The following CFAP91 variants were observed in gnomAD, a reference collection of about 807,000 sequenced individuals.
CFAP91 encodes the protein cilia and flagella associated protein 91, also known as cilia- and flagella-associated protein 91.
CFAP91 carries 85 observed loss-of-function variants against 95.9 expected under a neutral mutation model. The observed-to-expected ratio is 0.89, with a 90% CI of 0.74 to 1.06. CFAP91 has a LOEUF of 1.06. Among genes scored for constraint, CFAP91 ranks in the 50% least tolerant of loss-of-function variants. The pLI is 0.00. For missense variants in CFAP91, 962 were observed against 943.4 expected (o/e 1.02, Z -0.26); for synonymous variants, 335 against 327.5 (o/e 1.02, Z -0.25).
At chr3:119,717,553 T>TG (rs2053600748) in intron 6 of CFAP91, among the ~76,000 whole-genome samples, 1 of 145,158 alleles carries the variant, frequency 6.9e-6, no homozygotes, top group African/African-American at 2.5e-5. Context: ...TACGTTGGTT[T>TG]TTTTTTTTTT....
At chr3:119,714,155 G>A (rs181109711) in intron 5 of CFAP91, among the ~76,000 whole-genome samples, 2 of 152,128 alleles carry the variant, frequency 1.3e-5, no homozygotes, top group Non-Finnish European at 2.9e-5. Context: ...GAGGTCAGGA[G>A]ATCGGGACCA....
In CFAP91 at chr3:119,716,688, G is replaced by A. The variant is rs573684493; in HGVS notation, c.682+945G>A. The stretch of plus-strand genomic sequence containing the variant: ...TGCAACCTCCGCCTCCTGGGTTCAA[G>A]TGATTCTCCTGCCTCAGTCTCCCGA... On this transcript the variant is annotated intron_variant, in intron 6 of 17. Coordinates refer to ENST00000273390, the MANE Select transcript of CFAP91 (RefSeq NM_033364.4). 1.1e-4 allele frequency among the ~76,000 whole-genome samples: 16 copies of A among 152,326 alleles called. No homozygotes were observed. The South Asian group carries it at 3.3e-3, about 32-fold the overall frequency.
In CFAP91 at chr3:119,765,835, G is replaced by T. The variant is rs2054617560; in HGVS notation, c.*785G>T. The T allele has an allele frequency of 6.6e-6, 1 of 152,162 alleles. No homozygotes were observed. The highest frequency in any genetic ancestry group is 2.1e-4 in the South Asian group (1 of 4,828). 9.4% of individuals were successfully genotyped at this position (152,162 alleles called of 1,614,324 possible). ...GGAGTCCAAGTAATGAATTTATAGA[G>T]GAAAATGTATGCTACTCTGAAAACA... On this transcript the variant is annotated 3_prime_UTR_variant, in exon 18 of 18. Transcript: ENST00000273390.
At chr3:119,735,663 A>G (rs1333403969) in intron 10 of CFAP91, among the ~76,000 whole-genome samples, 1 of 152,186 alleles carries the variant, frequency 6.6e-6, no homozygotes, top group Non-Finnish European at 1.5e-5. Context: ...TTATACATGT[A>G]AAATAATAAA....
rs759455557 is a variant in CFAP91, at chr3:119,747,855, A to T, written c.2096A>T (p.Tyr699Phe). The T allele has an allele frequency of 6.2e-7, 1 of 1,613,718 alleles. No individual in the cohort carries two copies. The highest frequency in any genetic ancestry group is 2.2e-5 in the East Asian group (1 of 44,864). Residue 699 changes from tyrosine (Y) to phenylalanine (F), a missense_variant, in exon 16 of 18, where the codon TAT becomes TTT. By Grantham distance (22) the Tyr-to-Phe change is conservative. Coordinates refer to ENST00000273390, the MANE Select transcript of CFAP91 (RefSeq NM_033364.4). ...QSEEIVAELV[Y>F]SFLIPEVQKY... ...GAGGAGATTGTTGCTGAGTTGGTTT[A>T]TAGTTTTCTGATCCCAGAGGTGCAA...
At chr3:119,759,483 T>A (rs1009649003) in intron 17 of CFAP91, among the ~76,000 whole-genome samples, 1 of 151,998 alleles carries the variant, frequency 6.6e-6, no homozygotes, top group African/African-American at 2.4e-5. Context: ...GGCTGCACAT[T>A]GCTTTTAGGT....
chr3:119,762,754 A>G (rs72965022), intron 17 of CFAP91, among the ~76,000 whole-genome samples: 1,933 of 152,154 alleles, frequency 0.013, 39 homozygotes, highest in African/African-American at 0.044. Flanking sequence ...TGCTGAGAAA[A>G]CTGGATATCT....
At chr3:119,716,461 C>A (rs1243326862) in intron 6 of CFAP91, among the ~76,000 whole-genome samples, 1 of 152,164 alleles carries the variant, frequency 6.6e-6, no homozygotes, top group Non-Finnish European at 1.5e-5. Flanking sequence ...AGATTACTTT[C>A]CCCCGCATTG....
At chr3:119,710,690 A>T (rs1298434425) in intron 5 of CFAP91, among the ~76,000 whole-genome samples, 1 of 152,248 alleles carries the variant, frequency 6.6e-6, no homozygotes, top group African/African-American at 2.4e-5. Flanking sequence ...TAAATAAACA[A>T]ATCAGTCATG....
intron 1 of CFAP91, among the ~76,000 whole-genome samples, chr3:119,705,771 G>T (rs1036834090): frequency 6.6e-6 from 1 of 152,022 alleles, no homozygotes; most frequent in Non-Finnish European, 1.5e-5. Flanking sequence ...TTGTCGTTTT[G>T]TTGATGTATT....
intron 8 of CFAP91, among the ~76,000 whole-genome samples, chr3:119,730,646 GT>G (rs1375541494): frequency 2.9e-5 from 4 of 139,972 alleles, no homozygotes; most frequent in African/African-American, 1.1e-4. Flanking sequence ...GTGTGTGTGT[GT>G]GTGGTGGGAT....
chr3:119,742,322 A>G (rs2054137267), intron 13 of CFAP91, among the ~76,000 whole-genome samples: 1 of 152,214 alleles, frequency 6.6e-6, no homozygotes, highest in African/African-American at 2.4e-5. Flanking sequence ...AGATGCAGCA[A>G]TGCTGGTCTG....
Position 119,738,940 on chromosome 3 carries a change from T to TTTAAGAAATATTTTGC in CFAP91, c.1462-314_1462-313insTAAGAAATATTTTGCT, listed in dbSNP as rs563255835. ...TGCAAAATGATGTTATATGCAATAC[T>TTTAAGAAATATTTTGC]TGTTGCTTTAAGAAATATTTTGCTG... is the stretch of plus-strand genomic sequence containing the variant. On this transcript the variant is annotated intron_variant, in intron 11 of 17. Transcript: ENST00000273390. Among the ~76,000 whole-genome samples, 3 of 152,328 alleles carry TTTAAGAAATATTTTGC rather than the reference T, an allele frequency of 2.0e-5. No individual in the cohort carries two copies. In the South Asian group the frequency reaches 6.2e-4, roughly 32 times the overall value.
chr3:119,751,100 T>C lies in CFAP91; in HGVS notation c.*1+2T>C, dbSNP rs2054316981. On this transcript the variant is annotated splice_donor_variant, in intron 17 of 17. Coordinates refer to ENST00000273390, the MANE Select transcript of CFAP91 (RefSeq NM_033364.4). LOFTEE classifies it low-confidence loss of function (3UTR_SPLICE). ...CTCAAAATGAGAACAACAGCTAAGG[T>C]GAGTTTGATTTTCCACCAGGAAAAA... 1.9e-6 allele frequency: 3 copies of C among 1,587,644 alleles called. No homozygotes were observed. In the East Asian group the frequency reaches 6.7e-5, roughly 36 times the overall value.
intron 15 of CFAP91, 101 bp from the exon 16 acceptor site, chr3:119,747,710 G>A (rs1288786776): frequency 2.2e-6 from 2 of 897,456 alleles, no homozygotes; most frequent in African/African-American, 3.4e-5. Context: ...AAAAGGTGAT[G>A]GTGGGGTTTG....
At chr3:119,712,971 CA>C (rs200784810) in intron 5 of CFAP91, among the ~76,000 whole-genome samples, 16,391 of 117,070 alleles carry the variant, frequency 0.14, 1,224 homozygotes, top group East Asian at 0.23. Context: ...CAAAACAAGA[CA>C]AAAAAAAAAA....
intron 3 of CFAP91, among the ~76,000 whole-genome samples, chr3:119,708,366 CTT>C (rs1447237158): frequency 2.6e-5 from 4 of 151,838 alleles, no homozygotes; most frequent in Non-Finnish European, 4.4e-5. Flanking sequence ...TAAATCCACT[CTT>C]TTCTCAGCTC....
chr3:119,718,816 A>G (rs1054519080), intron 6 of CFAP91, among the ~76,000 whole-genome samples: 1 of 152,180 alleles, frequency 6.6e-6, no homozygotes, highest in Non-Finnish European at 1.5e-5. Context: ...TAAGAAGAAT[A>G]TCTATCTCAT....
chr3:119,726,724 C>T (rs1223626741), intron 7 of CFAP91, among the ~76,000 whole-genome samples: 4 of 151,634 alleles, frequency 2.6e-5, no homozygotes, highest in East Asian at 1.9e-4. Flanking sequence ...TCAAACTGTC[C>T]CTTCATGTTC....
Sources: allele counts gnomAD v4.1 joint callset (sites outside exome capture counted in the v4.1 genomes callset), GRCh38; gene constraint gnomAD v4.1.1; transcripts MANE v1.5; gene names NCBI Gene and HGNC (gene_info 2026-07-23, HGNC 2026-07-21).